Variants in TRPM3 observed in about 807,000 individuals in gnomAD.
TRPM3 encodes transient receptor potential cation channel subfamily M member 3, also known as long transient receptor potential channel 3.
In TRPM3, 77 loss-of-function variants were observed where a neutral mutation model predicts 181.2. That is an observed-to-expected ratio of 0.42 (90% CI 0.35 to 0.51). The LOEUF is 0.51. Ranked by LOEUF, TRPM3 falls within the 20% of genes least tolerant of loss-of-function variation. TRPM3 has a pLI of 0.01. For missense variants in TRPM3, 1,759 were observed against 2,196.7 expected (o/e 0.80, Z 3.98); for synonymous variants, 745 against 796.4 (o/e 0.94, Z 1.09).
At chr9:71,382,188 T>C (rs2132878292) in intron 1 of TRPM3, among the ~76,000 whole-genome samples, 1 of 152,290 alleles carries the variant, frequency 6.6e-6, no homozygotes, top group African/African-American at 2.4e-5. Flanking sequence ...TCCAGTTTAC[T>C]CACCTATTAA....
chr9:70,537,253 C>G lies in TRPM3; in HGVS notation c.3860G>C (p.Arg1287Pro), dbSNP rs141399885. Residue 1287 changes from arginine (R) to proline (P), a missense_variant, in exon 26 of 26, where the codon CGG (arginine) becomes CCG (proline). Coordinates refer to ENST00000677713, the MANE Select transcript of TRPM3 (RefSeq NM_001366145.2). Reference protein sequence around the residue: ...TALERLTGLERAESNKIRSRT... With the variant: ...TALERLTGLEPAESNKIRSRT... Reference sequence around the variant, plus strand: ...CGAGCGGATTTTGTTGGACTCGGCCCGCTCCAGACCTGTCAGGCGCTCCAG... The same window carrying G: ...CGAGCGGATTTTGTTGGACTCGGCCGGCTCCAGACCTGTCAGGCGCTCCAG... The G allele has an allele frequency of 3.8e-6, 6 of 1,590,988 alleles. No individual in the cohort carries two copies. The Admixed American group carries it at 8.6e-5, about 23-fold the overall frequency.
At chr9:71,119,573 T>C (rs2073173779) in intron 1 of TRPM3, among the ~76,000 whole-genome samples, 1 of 152,114 alleles carries the variant, frequency 6.6e-6, no homozygotes, top group South Asian at 2.1e-4. Context: ...TAATCATATA[T>C]GGAGAGTGAT....
At position 70,641,081 on chromosome 9, in the gene TRPM3, A is replaced by G. The variant is rs988682060; in HGVS notation, c.1346-421T>C. ...CCCATCCTTCCAGACATGATGCTCA[A>G]AAATGTCTCCAGACATTGCCAAATG... On this transcript the variant is annotated intron_variant, in intron 9 of 25. Coordinates refer to ENST00000677713, the MANE Select transcript of TRPM3 (RefSeq NM_001366145.2). Among the ~76,000 whole-genome samples the G allele has an allele frequency of 6.6e-5, 10 of 152,148 alleles. No individual in the cohort carries two copies. The East Asian group carries it at 1.7e-3, about 26-fold the overall frequency.
At chr9:71,032,411 T>G (rs560322099) in intron 1 of TRPM3, among the ~76,000 whole-genome samples, 1 of 151,340 alleles carries the variant, frequency 6.6e-6, no homozygotes. Flanking sequence ...TGAAAATGTA[T>G]ACATTTATTT....
intron 1 of TRPM3, among the ~76,000 whole-genome samples, chr9:71,243,780 G>C (rs942743769): frequency 6.6e-6 from 1 of 152,192 alleles, no homozygotes; most frequent in Non-Finnish European, 1.5e-5. Flanking sequence ...ACATGCAGGG[G>C]CTAGGGAAGA....
intron 1 of TRPM3, among the ~76,000 whole-genome samples, chr9:71,406,713 C>G (rs1019736515): frequency 6.6e-6 from 1 of 152,134 alleles, no homozygotes; most frequent in African/African-American, 2.4e-5. Flanking sequence ...GCATCAGTGC[C>G]TTTAAGAACC....
intron 1 of TRPM3, among the ~76,000 whole-genome samples, chr9:71,057,237 T>C (rs565850699): frequency 1.3e-5 from 2 of 152,028 alleles, no homozygotes; most frequent in Non-Finnish European, 2.9e-5. Context: ...CCATTGCTCT[T>C]CTGGGCACAT....
intron 1 of TRPM3, among the ~76,000 whole-genome samples, chr9:71,220,239 A>C (rs2080151399): frequency 6.6e-6 from 1 of 152,188 alleles, no homozygotes; most frequent in Admixed American, 6.5e-5. Context: ...TATCTAGACT[A>C]TTAGATTTTA....
chr9:71,121,764 T>C, upstream of TRPM3: 1 of 280,940 alleles, frequency 3.6e-6, no homozygotes, highest in Non-Finnish European at 5.4e-6. Flanking sequence ...AACGGGAAAC[T>C]TGCACTTTCT....
At chr9:71,420,729 G>GAAAGAGAGAGGA in intron 1 of TRPM3, among the ~76,000 whole-genome samples, 1 of 49,068 alleles carries the variant, frequency 2.0e-5, no homozygotes, top group Admixed American at 1.6e-4. Flanking sequence ...GAAAGAGAGA[G>GAAAGAGAGAGGA]AGAGAGAAAG....
chr9:71,100,708 G>T (rs1429870830), intron 1 of TRPM3, among the ~76,000 whole-genome samples: 1 of 151,964 alleles, frequency 6.6e-6, no homozygotes, highest in African/African-American at 2.4e-5. Context: ...TCTGCCTTTC[G>T]TCTTTGAAGA....
At chr9:71,005,691 C>T (rs1016375094) in intron 1 of TRPM3, among the ~76,000 whole-genome samples, 8 of 151,938 alleles carry the variant, frequency 5.3e-5, no homozygotes, top group Admixed American at 2.0e-4. Flanking sequence ...ATCCTTCAAA[C>T]AAGGAGAAAT....
intron 1 of TRPM3, among the ~76,000 whole-genome samples, chr9:70,946,667 G>T (rs2096936865): frequency 6.6e-6 from 1 of 151,946 alleles, no homozygotes. Context: ...CAAGCATCTA[G>T]ACCATGAAAC....
intron 1 of TRPM3, among the ~76,000 whole-genome samples, chr9:71,395,967 C>T (rs2132984281): frequency 1.3e-5 from 2 of 152,078 alleles, no homozygotes; most frequent in South Asian, 4.2e-4. Flanking sequence ...AGGAAATGTT[C>T]AGGAAAACCA....
chr9:70,604,900 T>G (rs1310658366), intron 19 of TRPM3, among the ~76,000 whole-genome samples: 1 of 149,944 alleles, frequency 6.7e-6, no homozygotes, highest in Non-Finnish European at 1.5e-5. Context: ...CTCCTATCTA[T>G]CTTGGCCTCC....
At chr9:70,971,947 G>A (rs1473583636) in intron 1 of TRPM3, among the ~76,000 whole-genome samples, 2 of 152,114 alleles carry the variant, frequency 1.3e-5, no homozygotes, top group East Asian at 3.9e-4. Context: ...AACAATAGAT[G>A]GTGAGGATAT....
In TRPM3 at chr9:70,772,445, G is replaced by C. The variant is rs183323179; in HGVS notation, c.1149-10721C>G. Among the ~76,000 whole-genome samples, 145 of 152,000 alleles carry C rather than the reference G, an allele frequency of 9.5e-4. 1 individual carries two copies. Among genetic ancestry groups the C allele is most frequent in the African/African-American group, 3.4e-3 (141 of 41,478 alleles). ...TGATCCTCCCACCTCAGCCTCCCAA[G>C]TAGCTGGGACTTGGCCTCCTGAGAT... On this transcript the variant is annotated intron_variant, in intron 7 of 25. Coordinates refer to ENST00000677713, the MANE Select transcript of TRPM3 (RefSeq NM_001366145.2).
At chr9:70,652,324 G>C (rs1564713188) in intron 9 of TRPM3, among the ~76,000 whole-genome samples, 1 of 152,108 alleles carries the variant, frequency 6.6e-6, no homozygotes, top group Non-Finnish European at 1.5e-5. Flanking sequence ...GAGTTGTCCA[G>C]TAGGCAATCA....
intron 1 of TRPM3, among the ~76,000 whole-genome samples, chr9:71,043,385 G>T (rs1258578788): frequency 6.6e-6 from 1 of 152,142 alleles, no homozygotes; most frequent in African/African-American, 2.4e-5. Flanking sequence ...AGAAGTCTCA[G>T]CTACCAGAGC....
Sources: gnomAD v4.1 joint callset for allele counts (sites outside exome capture counted in the v4.1 genomes callset) on GRCh38, gnomAD v4.1.1 for gene constraint, MANE v1.5 for transcripts, NCBI Gene and HGNC (gene_info 2026-07-23, HGNC 2026-07-21) for gene names.